SLC24A2: variants seen among roughly 807,000 people sequenced by gnomAD.
SLC24A2 encodes the protein solute carrier family 24 member 2.
SLC24A2 carries 36 observed loss-of-function variants against 62.0 expected under a neutral mutation model. The observed-to-expected ratio is 0.58, with a 90% confidence interval of 0.44 to 0.77. SLC24A2 has a LOEUF of 0.77. Among genes scored for constraint, SLC24A2 ranks in the 30% least tolerant of loss-of-function variants. SLC24A2 has a pLI of 0.00. For synonymous variants in SLC24A2, 358 were observed against 294.0 expected (o/e 1.22, Z -2.23); for missense variants, 846 against 817.9 (o/e 1.03, Z -0.42).
At chr9:19,779,072 G>A (rs1020112884) in intron 2 of SLC24A2, among the ~76,000 whole-genome samples, 2 of 152,096 alleles carry the variant, frequency 1.3e-5, no homozygotes, top group African/African-American at 2.4e-5. Flanking sequence ...AAAATGAGAC[G>A]CTAGAAGGTA....
At chr9:19,967,439 TG>T in the SLC24A2 span, 1 of 152,352 alleles carries the variant, frequency 6.6e-6, no homozygotes, top group Non-Finnish European at 1.5e-5. Flanking sequence ...TAGTCAGAAT[TG>T]GTCTTCTGAG....
intron 9 of SLC24A2, among the ~76,000 whole-genome samples, chr9:19,525,719 A>G (rs1563932232): frequency 1.3e-5 from 2 of 150,302 alleles, no homozygotes; most frequent in East Asian, 3.9e-4. Context: ...GTTTTTACAA[A>G]TGTATGCAGC....
the SLC24A2 span, among the ~76,000 whole-genome samples, chr9:20,175,112 T>A: frequency 6.6e-6 from 1 of 151,804 alleles, no homozygotes; most frequent in African/African-American, 2.4e-5. Flanking sequence ...GAGACTATTA[T>A]TCTAAGTGAA....
intron 8 of SLC24A2, among the ~76,000 whole-genome samples, chr9:19,530,146 T>C (rs1833632721): frequency 6.7e-6 from 1 of 149,668 alleles, no homozygotes; most frequent in African/African-American, 2.5e-5. Context: ...CCTGAGCCAG[T>C]GCTAAGAGAT....
At chr9:19,660,065 C>T (rs138657358) in intron 2 of SLC24A2, among the ~76,000 whole-genome samples, 97 of 152,278 alleles carry the variant, frequency 6.4e-4, no homozygotes, top group East Asian at 5.2e-3. Context: ...AGAAAGCAAA[C>T]GGATGAAAGA....
the SLC24A2 span, among the ~76,000 whole-genome samples, chr9:20,062,201 C>A: frequency 2.0e-5 from 3 of 152,064 alleles, no homozygotes; most frequent in Admixed American, 2.0e-4. Flanking sequence ...TGCACCTTAG[C>A]CTGCGTGACA....
chr9:19,988,116 A>C, the SLC24A2 span, among the ~76,000 whole-genome samples: 23 of 152,328 alleles, frequency 1.5e-4, no homozygotes, highest in African/African-American at 5.3e-4. Context: ...GCAGGTATGC[A>C]TAGGAATTTA....
chr9:20,082,493 C>T, the SLC24A2 span, among the ~76,000 whole-genome samples: 1 of 152,232 alleles, frequency 6.6e-6, no homozygotes, highest in Non-Finnish European at 1.5e-5. Context: ...CTATTCTCAT[C>T]GCATCCTTGC....
chr9:20,092,991 G>A, the SLC24A2 span, among the ~76,000 whole-genome samples: 1 of 152,026 alleles, frequency 6.6e-6, no homozygotes, highest in East Asian at 1.9e-4. Context: ...AACTGTCTTA[G>A]CTCTGTTTAA....
chr9:19,763,851 CTTTTTCTATTGTTTGG>C, intron 2 of SLC24A2, among the ~76,000 whole-genome samples: 1 of 152,150 alleles, frequency 6.6e-6, no homozygotes, highest in Non-Finnish European at 1.5e-5. Context: ...AGGACTTTCT[CTTTTTCTATTGTTTGG>C]AATAGTTTCA....
the SLC24A2 span, among the ~76,000 whole-genome samples, chr9:19,931,878 A>G: frequency 6.6e-6 from 1 of 152,146 alleles, no homozygotes; most frequent in East Asian, 1.9e-4. Context: ...TGAGTTGGCT[A>G]TTTTACATTA....
chr9:19,777,429 T>C (rs1822877043), intron 2 of SLC24A2, among the ~76,000 whole-genome samples: 1 of 152,216 alleles, frequency 6.6e-6, no homozygotes, highest in Non-Finnish European at 1.5e-5. Flanking sequence ...GAAATTCTGC[T>C]TCTACGAAAT....
At chr9:19,846,034 T>A in the SLC24A2 span, among the ~76,000 whole-genome samples, 1 of 152,172 alleles carries the variant, frequency 6.6e-6, no homozygotes, top group Non-Finnish European at 1.5e-5. Context: ...TTGGAATATA[T>A]TCTGGGTGCA....
the SLC24A2 span, chr9:19,928,438 A>C: frequency 6.6e-6 from 1 of 152,220 alleles, no homozygotes; most frequent in African/African-American, 2.4e-5. Flanking sequence ...CCTGGGAGCA[A>C]GTCCCAGCTC....
At chr9:20,288,041 A>AACAC in the SLC24A2 span, among the ~76,000 whole-genome samples, 1 of 146,566 alleles carries the variant, frequency 6.8e-6, no homozygotes, top group East Asian at 1.9e-4. Context: ...TTAGGAAAAA[A>AACAC]ACACACACAC....
chr9:20,101,900 C>T, the SLC24A2 span, among the ~76,000 whole-genome samples: 1 of 152,156 alleles, frequency 6.6e-6, no homozygotes, highest in Admixed American at 6.5e-5. Context: ...AACACTGGAG[C>T]CTAGGCCTAA....
chr9:20,108,228 G>C, the SLC24A2 span, among the ~76,000 whole-genome samples: 3 of 152,174 alleles, frequency 2.0e-5, no homozygotes, highest in Admixed American at 2.0e-4. Context: ...GGAGAAATAG[G>C]AACACTTTTA....
the SLC24A2 span, among the ~76,000 whole-genome samples, chr9:20,289,293 C>A: frequency 6.6e-6 from 1 of 152,174 alleles, no homozygotes; most frequent in Non-Finnish European, 1.5e-5. Context: ...GAGTTTGCTT[C>A]TTGCACTCTT....
the SLC24A2 span, among the ~76,000 whole-genome samples, chr9:20,229,766 G>T: frequency 0.12 from 17,972 of 151,068 alleles, 1,231 homozygotes; most frequent in Admixed American, 0.18. Context: ...AAGTTTTAGG[G>T]TACCTGTGCA....
Sources: allele counts gnomAD v4.1 joint callset (sites outside exome capture counted in the v4.1 genomes callset), GRCh38; gene constraint gnomAD v4.1.1; transcripts MANE v1.5; gene names NCBI Gene and HGNC (gene_info 2026-07-23, HGNC 2026-07-21).